The following NEK9 variants were observed in gnomAD, a reference collection of about 807,000 sequenced individuals.
NEK9 encodes the protein serine/threonine-protein kinase Nek9.
In NEK9, 75 loss-of-function variants were observed where a neutral mutation model predicts 123.4. The observed-to-expected ratio is 0.61, with a 90% CI of 0.50 to 0.74. The LOEUF (loss-of-function observed/expected upper bound fraction) is 0.74. NEK9 is among the 30% of genes least tolerant of loss of function. The pLI is 0.00. For synonymous variants in NEK9, 438 were observed against 458.7 expected (o/e 0.95, Z 0.58); for missense variants, 952 against 1,214.4 (o/e 0.78, Z 3.21).
In NEK9 at chr14:75,107,400, G is replaced by A. The variant is rs1167904176; in HGVS notation, c.1270C>T (p.Gln424Ter). The A allele has an allele frequency of 6.2e-7, 1 of 1,613,926 alleles. No individual in the cohort carries two copies. Among genetic ancestry groups the A allele is most frequent in the Non-Finnish European group, 8.5e-7 (1 of 1,179,972 alleles). ...GACACCTGACGGATAGCTTTGCCTTGCAACTTTTCCACATGCTTTGGCTGT... is the reference window on the plus strand; with the variant it reads ...GACACCTGACGGATAGCTTTGCCTTACAACTTTTCCACATGCTTTGGCTGT... Reference protein sequence around the residue: ...YRQPKHVEKLQGKAIRQVSCG... With the variant: ...YRQPKHVEKL Residue 424 changes from glutamine to a stop codon, truncating the protein, a stop_gained, in exon 11 of 22, where the codon CAA becomes TAA. Coordinates refer to ENST00000238616, the MANE Select transcript of NEK9 (RefSeq NM_033116.6). LOFTEE classifies it high-confidence loss of function.
intron 18 of NEK9, among the ~76,000 whole-genome samples, chr14:75,093,437 C>T (rs954711421): frequency 6.6e-6 from 1 of 152,038 alleles, no homozygotes; most frequent in Non-Finnish European, 1.5e-5. Context: ...TTAAATAATA[C>T]ATTACTATTC....
chr14:75,122,208 T>C (rs1482133497), intron 2 of NEK9, among the ~76,000 whole-genome samples: 1 of 151,790 alleles, frequency 6.6e-6, no homozygotes, highest in Admixed American at 6.5e-5. Context: ...GTATCATTTG[T>C]TCCAGTTCTT....
chr14:75,091,119 C>CT, intron 19 of NEK9, 151 bp downstream of exon 19: 1 of 565,442 alleles, frequency 1.8e-6, no homozygotes, highest in Non-Finnish European at 2.9e-6. Flanking sequence ...AGTGATTAGG[C>CT]AATTTCTTTC....
At chr14:75,125,686 C>T (rs1253787605) in intron 1 of NEK9, among the ~76,000 whole-genome samples, 1 of 152,176 alleles carries the variant, frequency 6.6e-6, no homozygotes, top group Non-Finnish European at 1.5e-5. Context: ...CATACATTAA[C>T]GTGGCATCAG....
intron 7 of NEK9, 69 bp downstream of exon 7, chr14:75,114,134 G>T: frequency 9.2e-7 from 1 of 1,088,426 alleles, no homozygotes; most frequent in Non-Finnish European, 1.4e-6. Context: ...TTATAGCTAT[G>T]CCATACACCA....
At chr14:75,116,581 T>C (rs1895148991) in intron 6 of NEK9, 1 of 270,714 alleles carries the variant, frequency 3.7e-6, no homozygotes, top group Admixed American at 3.9e-5. Context: ...AAGTGAACCA[T>C]CATATTCCAT....
In NEK9 at chr14:75,092,997, A is replaced by T. The variant is rs928358855; in HGVS notation, c.2234-1519T>A. ...ACTTTTTGTTTTAAATGGCTTTTTAAGATTATGCTGCATTTTAGATATACC... is the reference window on the plus strand; with the variant it reads ...ACTTTTTGTTTTAAATGGCTTTTTATGATTATGCTGCATTTTAGATATACC... On this transcript the variant is annotated intron_variant, in intron 18 of 21. Transcript: ENST00000238616. 9.9e-5 allele frequency among the ~76,000 whole-genome samples: 15 copies of T among 152,206 alleles called. 1 individual carries two copies. Among genetic ancestry groups the T allele is most frequent in the Admixed American group, 9.8e-4 (15 of 15,280 alleles).
chr14:75,120,714 T>C (rs1895301575), intron 3 of NEK9, 134 bp from the exon 4 acceptor site: 2 of 698,624 alleles, frequency 2.9e-6, no homozygotes, highest in African/African-American at 1.8e-5. Context: ...CATCTCTTCC[T>C]TGCAGGTTGA....
At position 75,117,185 on chromosome 14, in the gene NEK9, G is replaced by A. The variant is rs111316318; in HGVS notation, c.762+10C>T. On this transcript the variant is annotated intron_variant, in intron 6 of 21. Transcript: ENST00000238616. ...GCTAAATGCAATATGGGGATAATAT[G>A]CCAACTTACTGTAGCATCAAACGTC... 441 of 1,611,122 alleles carry A rather than the reference G, an allele frequency of 2.7e-4. 1 individual carries two copies. In the African/African-American group the frequency reaches 5.2e-3, roughly 19 times the overall value.
At chr14:75,114,359 A>C (rs1251481746) in intron 6 of NEK9, 46 bp from the exon 7 acceptor site, 28 of 1,425,064 alleles carry the variant, frequency 2.0e-5, no homozygotes, top group Non-Finnish European at 2.7e-5. Flanking sequence ...TATAAAGATG[A>C]TGCTATACTC....
rs2139722368 is a variant in NEK9 at position 75,090,574 on chromosome 14, T to G, written c.2442+696A>C. Among the ~76,000 whole-genome samples, 3 of 152,214 alleles carry G rather than the reference T, an allele frequency of 2.0e-5. No homozygotes were observed. In the South Asian group the frequency reaches 6.2e-4, roughly 32 times the overall value. ...ATACTTCAACATTCTTACTTTTTTT[T>G]TTTTTTGAACAGGGTTTTGCTTTGT... On this transcript the variant is annotated intron_variant, in intron 19 of 21. Transcript: ENST00000238616.
At position 75,079,869 on chromosome 14, in the gene NEK9, G is replaced by A. The variant is rs926015367; in HGVS notation, c.*4695C>T. The A allele has an allele frequency of 2.0e-5, 3 of 152,170 alleles. No individual in the cohort carries two copies. The highest frequency in any genetic ancestry group is 2.9e-5 in the Non-Finnish European group (2 of 68,032). The allele number at this position is 152,170 out of a possible 1,614,324, so 9.4% of individuals were successfully genotyped here. The stretch of plus-strand genomic sequence containing the variant: ...ATTTGGGATCGCTGGATGTTAGTAA[G>A]GTCATAGATCCGGGCCCTCCAGAGA... On this transcript the variant is annotated 3_prime_UTR_variant, in exon 22 of 22. Transcript: ENST00000238616.
chr14:75,113,032 G>C (rs1895008362), intron 8 of NEK9, among the ~76,000 whole-genome samples: 1 of 152,060 alleles, frequency 6.6e-6, no homozygotes, highest in Non-Finnish European at 1.5e-5. Flanking sequence ...CAAACATAAG[G>C]ATGTCTGAGT....
In NEK9 at chr14:75,095,404, C is replaced by T. The variant is rs2139735201; in HGVS notation, c.2201G>A (p.Arg734His). ...VEKVLNSKTIRSNSSGLSIGT... is the reference protein window; with the variant it reads ...VEKVLNSKTIHSNSSGLSIGT... ...AATGGATAAGCCACTGCTATTGGAA[C>T]GGATGGTCTTAGAATTCAATACTTT... Residue 734 changes from arginine to histidine, a missense_variant, in exon 18 of 22, where the codon CGT (arginine) becomes CAT (histidine). Arg to His is a conservative substitution (Grantham distance 29). Transcript: ENST00000238616. The T allele has an allele frequency of 3.7e-6, 6 of 1,613,110 alleles. No individual in the cohort carries two copies. Among genetic ancestry groups the T allele is most frequent in the East Asian group, 2.2e-5 (1 of 44,866 alleles).
intron 5 of NEK9, 87 bp downstream of exon 5, chr14:75,118,743 G>T: frequency 1.2e-6 from 1 of 803,752 alleles, no homozygotes; most frequent in Non-Finnish European, 2.0e-6. Context: ...CAAGAATATT[G>T]AGAAAAGTAT....
chr14:75,123,964 T>C (rs540702297), intron 2 of NEK9, 82 bp downstream of exon 2: 1 of 1,199,212 alleles, frequency 8.3e-7, no homozygotes, highest in East Asian at 2.4e-5. Context: ...ACTGTATATG[T>C]CTCTTCTTAT....
intron 21 of NEK9, chr14:75,086,357 G>A (rs1165515395): frequency 6.6e-6 from 1 of 150,764 alleles, no homozygotes; most frequent in Admixed American, 6.7e-5. Flanking sequence ...ATTTTTGTGG[G>A]GGAAAACTGG....
chr14:75,092,400 G>A (rs946860617), intron 18 of NEK9, among the ~76,000 whole-genome samples: 4 of 151,902 alleles, frequency 2.6e-5, no homozygotes, highest in African/African-American at 9.7e-5. Flanking sequence ...CTGAGTAGCT[G>A]GGATTACAGG....
intron 18 of NEK9, among the ~76,000 whole-genome samples, chr14:75,093,377 A>G (rs993895423): frequency 3.2e-4 from 48 of 152,320 alleles, no homozygotes; most frequent in African/African-American, 1.1e-3. Context: ...ATTCTGTTTA[A>G]TTTTATATTT....
Sources: allele counts gnomAD v4.1 joint callset (sites outside exome capture counted in the v4.1 genomes callset), GRCh38; gene constraint gnomAD v4.1.1; transcripts MANE v1.5; gene names NCBI Gene and HGNC (gene_info 2026-07-23, HGNC 2026-07-21).